The following PTPRQ variants were observed in gnomAD, a reference collection of about 807,000 sequenced individuals.
The protein encoded by PTPRQ is phosphatidylinositol phosphatase PTPRQ.
A neutral mutation model predicts 246.0 loss-of-function variants in PTPRQ; 199 were observed. The observed-to-expected ratio is 0.81, with a 90% CI of 0.72 to 0.91. The LOEUF (loss-of-function observed/expected upper bound fraction) is 0.91, where lower values mean the gene tolerates loss of function less well. Among genes scored for constraint, PTPRQ ranks in the 40% least tolerant of loss-of-function variants. The pLI, the probability that PTPRQ is intolerant of heterozygous loss-of-function variation, is 0.00. For synonymous variants in PTPRQ, 869 were observed against 853.2 expected, an observed-to-expected ratio of 1.02 and a Z score of -0.32; for missense variants, 2,624 against 2,528.4, an observed-to-expected ratio of 1.04 and a Z score of -0.81.
intron 29 of PTPRQ, among the ~76,000 whole-genome samples, chr12:80,615,474 G>A (rs1898718478): frequency 6.6e-6 from 1 of 151,060 alleles, no homozygotes; most frequent in African/African-American, 2.4e-5. Context: ...AAGATAAAGT[G>A]AAGAAAAGAA....
At chr12:80,507,441 T>G (rs1408079409) in intron 16 of PTPRQ, among the ~76,000 whole-genome samples, 2 of 151,956 alleles carry the variant, frequency 1.3e-5, no homozygotes, top group Non-Finnish European at 2.9e-5. Flanking sequence ...CTTTTCTTTT[T>G]CATCTTTCTT....
chr12:80,560,508 C>T (rs1301857987), intron 25 of PTPRQ, among the ~76,000 whole-genome samples: 1 of 152,148 alleles, frequency 6.6e-6, no homozygotes, highest in Non-Finnish European at 1.5e-5. Flanking sequence ...AAACAATCCA[C>T]TGTTATATGG....
intron 3 of PTPRQ, among the ~76,000 whole-genome samples, chr12:80,452,334 T>A (rs1293113704): frequency 6.6e-6 from 1 of 151,976 alleles, no homozygotes; most frequent in African/African-American, 2.4e-5. Context: ...CCAGTCTGTG[T>A]CTTTTAATTG....
chr12:80,679,064 T>A lies in PTPRQ; in HGVS notation c.*41T>A. 1 of 1,533,962 alleles carries A rather than the reference T, an allele frequency of 6.5e-7. No homozygotes were observed. The highest frequency in any genetic ancestry group is 8.8e-7 in the Non-Finnish European group (1 of 1,140,312). On this transcript the variant is annotated 3_prime_UTR_variant, in exon 45 of 45. Transcript: ENST00000644991. The stretch of plus-strand genomic sequence containing the variant: ...GATACAATTGGAAGAGATTTTTAAA[T>A]CCCAGGGGCCAAAGTTACCCCCTCA...
intron 25 of PTPRQ, among the ~76,000 whole-genome samples, chr12:80,558,420 G>A (rs1464878456): frequency 2.7e-5 from 4 of 150,106 alleles, no homozygotes; most frequent in Admixed American, 1.3e-4. Flanking sequence ...TGCCCACCTC[G>A]GCCTCCCAAA....
chr12:80,570,196 C>T (rs1210762690), intron 25 of PTPRQ, among the ~76,000 whole-genome samples: 8 of 152,200 alleles, frequency 5.3e-5, no homozygotes, highest in Non-Finnish European at 5.9e-5. Context: ...TACACTCCTA[C>T]GAACAGTATA....
chr12:80,549,706 A>G lies in PTPRQ; in HGVS notation c.4257A>G (p.Thr1419=). Residue 1419 remains threonine, a synonymous_variant, in exon 25 of 45, where the codon ACA becomes ACG. Coordinates refer to ENST00000644991, the MANE Select transcript of PTPRQ (RefSeq NM_001145026.2). ...CAGCTGGTGAAGGTGATGAAAGCAC[A>G]TGCCATGTCAGCACACTACCTGAAA... ...STSAGEGDES[T]CHVSTLPETV... 1 of 1,550,478 alleles carries G rather than the reference A, an allele frequency of 6.4e-7. No individual in the cohort carries two copies. The highest frequency in any genetic ancestry group is 8.7e-7 in the Non-Finnish European group (1 of 1,146,224).
chr12:80,530,893 CA>C (rs1895824928), intron 17 of PTPRQ, among the ~76,000 whole-genome samples: 1 of 152,020 alleles, frequency 6.6e-6, no homozygotes, highest in South Asian at 2.1e-4. Context: ...ACTCAAGAAA[CA>C]CACAATTTGT....
Position 80,642,936 on chromosome 12 carries a change from A to AACAAAC in PTPRQ, c.5916-5960_5916-5959insCAAACA, listed in dbSNP as rs1565837020. On this transcript the variant is annotated intron_variant, in intron 35 of 44. Transcript: ENST00000644991. ...CTCCGTCTTAAAAAAAAAAAAAAAA[A>AACAAAC]AAAAAAAAAACAATTGAGTATCTCT... 1.5e-4 allele frequency among the ~76,000 whole-genome samples: 22 copies of AACAAAC among 148,354 alleles called. No individual in the cohort carries two copies. The East Asian group carries it at 2.2e-3, about 15-fold the overall frequency.
At chr12:80,637,788 C>G (rs1899712506) in intron 35 of PTPRQ, among the ~76,000 whole-genome samples, 1 of 152,128 alleles carries the variant, frequency 6.6e-6, no homozygotes, top group Non-Finnish European at 1.5e-5. Context: ...TGGTGAAGCT[C>G]TAAAACTCTT....
chr12:80,545,914 A>G (rs1449563096), intron 23 of PTPRQ, among the ~76,000 whole-genome samples: 1 of 151,930 alleles, frequency 6.6e-6, no homozygotes, highest in Non-Finnish European at 1.5e-5. Context: ...AGTATCTCTG[A>G]CCATGCACAA....
chr12:80,649,512 G>C (rs1332806928), intron 36 of PTPRQ, 76 bp from the exon 37 acceptor site: 2 of 1,483,724 alleles, frequency 1.3e-6, no homozygotes, highest in Non-Finnish European at 9.0e-7. Flanking sequence ...CTTGTTAAAA[G>C]TGAAGCCAGT....
chr12:80,670,372 G>A lies in PTPRQ; in HGVS notation c.6482G>A (p.Cys2161Tyr), dbSNP rs375139131. ...GGGGATTGCATGACTGTTCGACAGTGTAACTTTACTGCCTGGCCAGAGCAT... is the reference window on the plus strand; with the variant it reads ...GGGGATTGCATGACTGTTCGACAGTATAACTTTACTGCCTGGCCAGAGCAT... ...RHGDCMTVRQ[C>Y]NFTAWPEHGV... is the part of the protein sequence containing the mutation. The change falls in exon 42 of 45, where the codon TGT (cysteine) becomes TAT (tyrosine). Residue 2161 changes from cysteine (C) to tyrosine (Y), a missense_variant. By Grantham distance (194) the Cys-to-Tyr change is radical. Coordinates refer to ENST00000644991, the MANE Select transcript of PTPRQ (RefSeq NM_001145026.2). 1.3e-6 allele frequency: 2 copies of A among 1,550,784 alleles called. No homozygotes were observed. The highest frequency in any genetic ancestry group is 2.7e-5 in the African/African-American group (2 of 72,974).
chr12:80,625,027 A>G (rs995102357), intron 33 of PTPRQ, among the ~76,000 whole-genome samples: 6 of 152,212 alleles, frequency 3.9e-5, no homozygotes, highest in Admixed American at 1.3e-4. Context: ...CACAGATTCA[A>G]AAGAGTTCTT....
At chr12:80,448,127 G>C (rs1892610169) in intron 3 of PTPRQ, among the ~76,000 whole-genome samples, 1 of 151,858 alleles carries the variant, frequency 6.6e-6, no homozygotes, top group Non-Finnish European at 1.5e-5. Context: ...TGTATTCCTA[G>C]ATATTTTATT....
intron 9 of PTPRQ, among the ~76,000 whole-genome samples, chr12:80,488,579 A>G (rs1894351854): frequency 6.6e-6 from 1 of 152,074 alleles, no homozygotes; most frequent in Admixed American, 6.6e-5. Flanking sequence ...AGAACTGAAA[A>G]CAGGAGTGGT....
chr12:80,480,956 C>T (rs1894025566), intron 8 of PTPRQ, among the ~76,000 whole-genome samples: 2 of 152,140 alleles, frequency 1.3e-5, no homozygotes, highest in African/African-American at 4.8e-5. Flanking sequence ...CAAGGAGGAA[C>T]TGGTACCATT....
At chr12:80,614,203 A>G (rs976483287) in intron 29 of PTPRQ, among the ~76,000 whole-genome samples, 8 of 150,802 alleles carry the variant, frequency 5.3e-5, no homozygotes, top group Non-Finnish European at 1.2e-4. Context: ...TTTAAGGACA[A>G]AAGACAGAAA....
chr12:80,528,006 C>G (rs532835408), intron 17 of PTPRQ, among the ~76,000 whole-genome samples: 19 of 152,012 alleles, frequency 1.2e-4, no homozygotes, highest in Non-Finnish European at 2.4e-4. Context: ...AGCACCTGAG[C>G]CTGGGGTTGG....
Sources: allele counts gnomAD v4.1 joint callset (sites outside exome capture counted in the v4.1 genomes callset), GRCh38; gene constraint gnomAD v4.1.1; transcripts MANE v1.5; gene names NCBI Gene and HGNC (gene_info 2026-07-23, HGNC 2026-07-21).